DRAP1: variants seen among roughly 807,000 people sequenced by gnomAD.
DRAP1 encodes the protein DR1 associated protein 1, also known as dr1-associated corepressor.
DRAP1 carries 10 observed loss-of-function variants against 24.1 expected under a neutral mutation model. That is an observed-to-expected ratio of 0.41 (90% CI 0.26 to 0.70). DRAP1 has a LOEUF of 0.70. Among genes scored for constraint, DRAP1 ranks in the 30% least tolerant of loss-of-function variants. The probability of loss-of-function intolerance (pLI) is 0.29; values close to 1 mark genes in which losing one functional copy is unlikely to be tolerated. For missense variants in DRAP1, 264 were observed against 275.6 expected, an observed-to-expected ratio of 0.96 and a Z score of 0.30; for synonymous variants, 122 against 113.8, an observed-to-expected ratio of 1.07 and a Z score of -0.46.
At chr11:65,919,594 T>C in intron 1 of DRAP1, 51 bp downstream of exon 1, 1 of 1,547,048 alleles carries the variant, frequency 6.5e-7, no homozygotes, top group East Asian at 2.5e-5. Context: ...CCGGGTGGCT[T>C]GGGCCCAGTT....
Position 65,920,910 on chromosome 11 carries a change from T to A in DRAP1, c.450T>A (p.Asp150Glu). 3 of 1,613,438 alleles carry A rather than the reference T, an allele frequency of 1.9e-6. No homozygotes were observed. Among genetic ancestry groups the A allele is most frequent in the Non-Finnish European group, 2.5e-6 (3 of 1,179,680 alleles). ...ATGAATCTGAGGACACAGATACTGA[T>A]GGGGAAGAGGAGACATCACAACCCC... ...QEDESEDTDTDGEEETSQPPP... is the reference protein window; with the variant it reads ...QEDESEDTDTEGEEETSQPPP... The change falls in exon 6 of 7, where the codon GAT becomes GAA. Residue 150 changes from aspartate (D) to glutamate (E), a missense_variant. This residue lies in a region of DRAP1 where 243 missense variants were observed against 233.6 expected (regional missense o/e 1.04). Coordinates refer to ENST00000312515, the MANE Select transcript of DRAP1 (RefSeq NM_006442.4).
intron 6 of DRAP1, 157 bp downstream of exon 6, chr11:65,921,129 C>G: frequency 1.5e-6 from 1 of 687,554 alleles, no homozygotes; most frequent in Non-Finnish European, 2.4e-6. Context: ...GACTGTTCTC[C>G]CGAAAGATCC....
At position 65,920,943 on chromosome 11, in the gene DRAP1, G is replaced by GGCCAGCCACCCCTCT; in HGVS notation, c.487_501dup (p.Ser163_Ala167dup). 6.2e-7 allele frequency: 1 copy of GGCCAGCCACCCCTCT among 1,612,950 alleles called. No individual in the cohort carries two copies. The highest frequency in any genetic ancestry group is 8.5e-7 in the Non-Finnish European group (1 of 1,179,448). On this transcript the variant is annotated inframe_insertion, in exon 6 of 7. Coordinates refer to ENST00000312515, the MANE Select transcript of DRAP1 (RefSeq NM_006442.4). ...AGGAGACATCACAACCCCCACCCCA[G>GGCCAGCCACCCCTCT]GCCAGCCACCCCTCTGCCCACTTTC...
Position 65,919,801 on chromosome 11 carries a change from C to T in DRAP1, c.64C>T (p.Gln22Ter), listed in dbSNP as rs1303832206. The change falls in exon 2 of 7, where the codon CAG becomes TAG. Residue 22 changes from glutamine (Q) to a stop codon, truncating the protein, a stop_gained. Transcript: ENST00000312515. LOFTEE classifies it high-confidence loss of function. ...GCAGGCGCGGATCAAGAAGATCATG[C>T]AGACGGACGAAGAGATTGGGAAGGT... ...FPPARIKKIM[Q>*]TDEEIGKVAA... is the part of the protein sequence containing the mutation. 1 of 1,612,852 alleles carries T rather than the reference C, an allele frequency of 6.2e-7. No individual in the cohort carries two copies. Among genetic ancestry groups the T allele is most frequent in the Non-Finnish European group, 8.5e-7 (1 of 1,179,948 alleles).
At chr11:65,921,152 C>T in intron 6 of DRAP1, 178 bp from the exon 7 acceptor site, 1 of 667,474 alleles carries the variant, frequency 1.5e-6, no homozygotes, top group Non-Finnish European at 2.5e-6. Context: ...CTCCACCCTG[C>T]CAGGGCCCGT....
Position 65,920,977 on chromosome 11 carries a change from GC to G in DRAP1, c.512+6del. 3 of 1,604,230 alleles carry G rather than the reference GC, an allele frequency of 1.9e-6. No homozygotes were observed. The highest frequency in any genetic ancestry group is 2.6e-6 in the Non-Finnish European group (3 of 1,174,922). ...CCCCTCTGCCCACTTTCAGAGGTGA[GC>G]AGCCCAGAGGCATGGGAGGGTGCTG... On this transcript the variant is annotated splice_donor_region_variant and intron_variant, in intron 6 of 6. Coordinates refer to ENST00000312515, the MANE Select transcript of DRAP1 (RefSeq NM_006442.4).
At chr11:65,919,734 A>T in intron 1 of DRAP1, 46 bp from the exon 2 acceptor site, 1 of 1,610,480 alleles carries the variant, frequency 6.2e-7, no homozygotes, top group Middle Eastern at 1.7e-4. Flanking sequence ...GCACCCCCTT[A>T]GGGGACGGTG....
In DRAP1 at chr11:65,920,376, C is replaced by T. The variant is rs1257170573; in HGVS notation, c.243C>T (p.Asp81=). 6.2e-7 allele frequency: 1 copy of T among 1,614,126 alleles called. No individual in the cohort carries two copies. Among genetic ancestry groups the T allele is most frequent in the Non-Finnish European group, 8.5e-7 (1 of 1,180,022 alleles). ...KQCIELEQQF[D]FLKDLVASVP... is the part of the protein sequence containing the mutation. ...GCATCGAGCTGGAGCAGCAGTTTGA[C>T]TTCTTGAAGGACCTGGTGGCATCTG... Residue 81 remains aspartate, a synonymous_variant, in exon 4 of 7, where the codon GAC becomes GAT. Coordinates refer to ENST00000312515, the MANE Select transcript of DRAP1 (RefSeq NM_006442.4).
Position 65,920,648 on chromosome 11 carries a change from G to T in DRAP1, c.409G>T (p.Asp137Tyr). Reference protein sequence around the residue: ...KSKDKKLSGTDSEQEDESEDT... With the variant: ...KSKDKKLSGTYSEQEDESEDT... ...CAAGGACAAGAAGCTGTCCGGGACA[G>T]ACTCGGAGCAGGAGGTGAGTGAGGC... Residue 137 changes from aspartate to tyrosine, a missense_variant, in exon 5 of 7, where the codon GAC becomes TAC. Coordinates refer to ENST00000312515, the MANE Select transcript of DRAP1 (RefSeq NM_006442.4). The T allele has an allele frequency of 1.3e-6, 2 of 1,497,158 alleles. No homozygotes were observed. The highest frequency in any genetic ancestry group is 2.7e-5 in the South Asian group (2 of 75,392). The allele number at this position is 1,497,158 out of a possible 1,614,324, so 92.7% of individuals were successfully genotyped here.
chr11:65,919,661 C>T, intron 1 of DRAP1, 118 bp downstream of exon 1: 1 of 1,519,018 alleles, frequency 6.6e-7, no homozygotes, highest in East Asian at 2.4e-5. Context: ...CCCGCCCCCT[C>T]CATGCCCTCC....
intron 4 of DRAP1, 25 bp downstream of exon 4, chr11:65,920,487 T>C: frequency 6.2e-7 from 1 of 1,613,176 alleles, no homozygotes; most frequent in East Asian, 2.2e-5. Flanking sequence ...TGGCATACAG[T>C]GGGGAAGGCC....
intron 2 of DRAP1, 46 bp from the exon 3 acceptor site, chr11:65,919,902 G>A: frequency 6.2e-7 from 1 of 1,613,372 alleles, no homozygotes; most frequent in Non-Finnish European, 8.5e-7. Flanking sequence ...GAGGGAGGCA[G>A]CGGGTCGCCC....
Position 65,921,063 on chromosome 11 carries a change from T to C in DRAP1, c.512+91T>C, listed in dbSNP as rs1429115591. On this transcript the variant is annotated intron_variant, in intron 6 of 6. Coordinates refer to ENST00000312515, the MANE Select transcript of DRAP1 (RefSeq NM_006442.4). ...CTCCCTGGCCCCTTGGTCTTGTTGA[T>C]TGTGGCAGATTTGTGGGGTGGAAGG... The C allele has an allele frequency of 4.0e-6, 4 of 997,842 alleles. No homozygotes were observed. In the African/African-American group the frequency reaches 4.9e-5, roughly 12 times the overall value. 61.8% of individuals were successfully genotyped at this position (997,842 alleles called of 1,614,324 possible).
chr11:65,919,714 T>A, intron 1 of DRAP1, 66 bp from the exon 2 acceptor site: 1 of 1,598,506 alleles, frequency 6.3e-7, no homozygotes, highest in South Asian at 1.1e-5. Context: ...GGATGCCCCT[T>A]CCTCCCCCAG....
At chr11:65,919,613 G>A in intron 1 of DRAP1, 70 bp downstream of exon 1, 1 of 1,542,088 alleles carries the variant, frequency 6.5e-7, no homozygotes, top group Non-Finnish European at 8.7e-7. Flanking sequence ...TTCCCGCTGG[G>A]CAGGCGGGCG....
Position 65,919,772 on chromosome 11 carries a change from A to T in DRAP1, c.43-8A>T, listed in dbSNP as rs1345314277. On this transcript the variant is annotated splice_region_variant and splice_polypyrimidine_tract_variant and intron_variant, in intron 1 of 6. Coordinates refer to ENST00000312515, the MANE Select transcript of DRAP1 (RefSeq NM_006442.4). ...GACGGGGTCTGAACTCTGCTCCCCC[A>T]CCCGCAGGCGCGGATCAAGAAGATC... is the stretch of plus-strand genomic sequence containing the variant. 6.2e-7 allele frequency: 1 copy of T among 1,612,532 alleles called. No individual in the cohort carries two copies. The highest frequency in any genetic ancestry group is 8.5e-7 in the Non-Finnish European group (1 of 1,179,846).
chr11:65,921,246 G>A, intron 6 of DRAP1, 84 bp from the exon 7 acceptor site: 1 of 862,614 alleles, frequency 1.2e-6, no homozygotes, highest in Non-Finnish European at 1.9e-6. Context: ...AGGGTCAGAT[G>A]GGGGAGGGAG....
intron 3 of DRAP1, 149 bp downstream of exon 3, chr11:65,920,190 G>A: frequency 7.0e-7 from 1 of 1,427,488 alleles, no homozygotes; most frequent in South Asian, 1.3e-5. Context: ...TGGGCTTCCA[G>A]GCAGAGGGAG....
chr11:65,920,839 G>GT, intron 5 of DRAP1, 45 bp from the exon 6 acceptor site: 3 of 1,572,318 alleles, frequency 1.9e-6, no homozygotes, highest in Non-Finnish European at 1.7e-6. Context: ...CCAGTGATGG[G>GT]TTCGTGTCTT....
Sources: gnomAD v4.1 joint callset for allele counts on GRCh38, gnomAD v4.1.1 for gene constraint, gnomAD v4.1.1 regional missense constraint, MANE v1.5 for transcripts, NCBI Gene and HGNC (gene_info 2026-07-23, HGNC 2026-07-21) for gene names.